Variants in FCRL1 observed in about 807,000 individuals in gnomAD.
The protein encoded by FCRL1 is Fc receptor like 1.
A neutral mutation model predicts 49.2 loss-of-function variants in FCRL1; 34 were observed. The ratio of observed to expected loss-of-function variants is 0.69; its 90% CI spans 0.53 to 0.92. FCRL1 has a LOEUF of 0.92. Among genes scored for constraint, FCRL1 ranks in the 40% least tolerant of loss-of-function variants. The pLI, the probability that FCRL1 is intolerant of heterozygous loss-of-function variation, is 0.00. For missense variants in FCRL1, 524 were observed against 524.1 expected (o/e 1.00, Z 0.00); for synonymous variants, 218 against 201.6 (o/e 1.08, Z -0.69).
intron 1 of FCRL1, among the ~76,000 whole-genome samples, chr1:157,819,137 T>C (rs991773312): frequency 4.0e-5 from 6 of 151,776 alleles, no homozygotes; most frequent in Admixed American, 2.0e-4. Context: ...ACAATGAGAG[T>C]GAACAGAGAA....
At chr1:157,812,114 C>G (rs1053443677) in intron 1 of FCRL1, among the ~76,000 whole-genome samples, 1 of 152,166 alleles carries the variant, frequency 6.6e-6, no homozygotes, top group Admixed American at 6.5e-5. Context: ...TGAAAACCAG[C>G]CTGGCACCTC....
At chr1:157,801,608 C>T in intron 5 of FCRL1, 31 bp from the exon 6 acceptor site, 1 of 1,486,356 alleles carries the variant, frequency 6.7e-7, no homozygotes, top group Non-Finnish European at 9.4e-7. Flanking sequence ...ATGATCTGCT[C>T]AGAGGAAGGG....
intron 1 of FCRL1, among the ~76,000 whole-genome samples, chr1:157,808,966 A>C (rs1373664621): frequency 6.6e-6 from 1 of 152,190 alleles, no homozygotes; most frequent in African/African-American, 2.4e-5. Context: ...GTGGGGGAAA[A>C]TAGGTTAAGT....
chr1:157,817,535 A>G (rs1295429116), intron 1 of FCRL1, among the ~76,000 whole-genome samples: 2 of 152,170 alleles, frequency 1.3e-5, no homozygotes, highest in Admixed American at 1.3e-4. Flanking sequence ...CTCAAAATGG[A>G]TGAAAGACTT....
intron 1 of FCRL1, among the ~76,000 whole-genome samples, chr1:157,815,980 G>A (rs1022824613): frequency 2.8e-4 from 42 of 151,728 alleles, no homozygotes; most frequent in Non-Finnish European, 5.9e-4. Flanking sequence ...CATCAAAAAG[G>A]AACCTAGGAT....
Position 157,802,108 on chromosome 1 carries a change from G to A in FCRL1, c.693C>T (p.Ala231=). The change falls in exon 5 of 11, where the codon GCC becomes GCT. Residue 231 remains alanine, a synonymous_variant. Transcript: ENST00000368176. ...ACAGGATCGGAGGAGAGCCTCTCAG[G>A]GCCTCACAGTGAAGCTCCAGCACAT... ...VEDVLELHCE[A]LRGSPPILYW... 2.5e-6 allele frequency: 4 copies of A among 1,614,172 alleles called. No homozygotes were observed. The highest frequency in any genetic ancestry group is 1.7e-5 in the Admixed American group (1 of 60,030).
intron 1 of FCRL1, among the ~76,000 whole-genome samples, chr1:157,808,370 T>C (rs1653796701): frequency 6.6e-6 from 1 of 152,226 alleles, no homozygotes; most frequent in Non-Finnish European, 1.5e-5. Flanking sequence ...TAGATTTAGA[T>C]AGATTCAGTA....
At chr1:157,819,877 A>G in intron 1 of FCRL1, 130 bp downstream of exon 1, 1 of 1,023,944 alleles carries the variant, frequency 9.8e-7, no homozygotes, top group Non-Finnish European at 1.5e-6. Flanking sequence ...CCCTCCGTGG[A>G]AGTGGAGATC....
intron 10 of FCRL1, 83 bp downstream of exon 10, chr1:157,797,018 A>T (rs1349274878): frequency 2.1e-6 from 3 of 1,403,884 alleles, no homozygotes; most frequent in African/African-American, 1.4e-5. Flanking sequence ...TGCTCTTTCT[A>T]AGTGGCTATA....
At chr1:157,797,727 G>A in intron 9 of FCRL1, 141 bp downstream of exon 9, 5 of 1,560,410 alleles carry the variant, frequency 3.2e-6, no homozygotes, top group East Asian at 2.4e-5. Flanking sequence ...CAGACCCAAG[G>A]ACAGCCATTA....
intron 1 of FCRL1, among the ~76,000 whole-genome samples, chr1:157,816,201 AAAATAAC>A (rs1654997125): frequency 6.6e-6 from 1 of 152,018 alleles, no homozygotes; most frequent in African/African-American, 2.4e-5. Flanking sequence ...AATTCTCAAC[AAAATAAC>A]TAGCAAACCA....
chr1:157,802,530 C>T lies in FCRL1; in HGVS notation c.454G>A (p.Val152Ile). The T allele has an allele frequency of 6.2e-7, 1 of 1,614,198 alleles. No individual in the cohort carries two copies. The highest frequency in any genetic ancestry group is 1.1e-5 in the South Asian group (1 of 91,088). The change falls in exon 4 of 11, where the codon GTA (valine) becomes ATA (isoleucine). Residue 152 changes from valine (V) to isoleucine (I), a missense_variant. Physicochemically the swap from Val to Ile is conservative, Grantham distance 29. Coordinates refer to ENST00000368176, the MANE Select transcript of FCRL1 (RefSeq NM_052938.5). ...DITFLWYKGAVGLNLQSKTQR... is the reference protein window; with the variant it reads ...DITFLWYKGAIGLNLQSKTQR... ...GTCTTTGACTGAAGGTTTAAACCTA[C>T]AGCCCCTTTGTACCAAAGGAAGGTG...
chr1:157,813,396 A>T (rs953736279), intron 1 of FCRL1, among the ~76,000 whole-genome samples: 7 of 152,240 alleles, frequency 4.6e-5, no homozygotes, highest in African/African-American at 1.7e-4. Flanking sequence ...AAACATATAG[A>T]TATCATGAAA....
intron 1 of FCRL1, among the ~76,000 whole-genome samples, chr1:157,809,555 TCTC>T (rs1484996917): frequency 1.3e-5 from 2 of 152,164 alleles, no homozygotes; most frequent in African/African-American, 2.4e-5. Flanking sequence ...TTCAAGCGAT[TCTC>T]CTGCCTCAGC....
At chr1:157,812,835 C>A (rs774590660) in intron 1 of FCRL1, among the ~76,000 whole-genome samples, 2 of 152,118 alleles carry the variant, frequency 1.3e-5, no homozygotes, top group Non-Finnish European at 1.5e-5. Flanking sequence ...GGCCAAACAC[C>A]AAAAGACACC....
At chr1:157,797,619 C>T (rs1571332651) in intron 9 of FCRL1, 3 of 867,652 alleles carry the variant, frequency 3.5e-6, no homozygotes, top group East Asian at 2.7e-5. Context: ...GGGATTTTTG[C>T]TCTTTCTAAG....
chr1:157,796,928 A>T (rs990031827), intron 10 of FCRL1, among the ~76,000 whole-genome samples, 173 bp downstream of exon 10: 1 of 152,232 alleles, frequency 6.6e-6, no homozygotes, highest in Non-Finnish European at 1.5e-5. Context: ...TTCCTTGTAC[A>T]ATGACCCCTT....
chr1:157,797,067 A>G lies in FCRL1; in HGVS notation c.1218+34T>C, dbSNP rs776527873. The G allele has an allele frequency of 1.9e-6, 3 of 1,609,270 alleles. No individual in the cohort carries two copies. The South Asian group carries it at 3.3e-5, about 18-fold the overall frequency. ...GAGAACCAGTCCCCAGAGGAAAGAA[A>G]GAACATGGAAGAAAGAACAATAGAG... On this transcript the variant is annotated intron_variant, in intron 10 of 10. Transcript: ENST00000368176.
chr1:157,797,009 G>C (rs1651598746), intron 10 of FCRL1, 92 bp downstream of exon 10: 1 of 1,249,882 alleles, frequency 8.0e-7, no homozygotes, highest in Admixed American at 1.8e-5. Context: ...TGGGATTTTT[G>C]CTCTTTCTAA....
Sources: gnomAD v4.1 joint callset for allele counts (sites outside exome capture counted in the v4.1 genomes callset) on GRCh38, gnomAD v4.1.1 for gene constraint, MANE v1.5 for transcripts, NCBI Gene and HGNC (gene_info 2026-07-23, HGNC 2026-07-21) for gene names.